PLBD1: variants seen among roughly 807,000 people sequenced by gnomAD.
PLBD1 encodes the protein phospholipase B domain containing 1.
Under a neutral mutation model 63.0 loss-of-function variants are expected in PLBD1, and 60 were observed. That is an observed-to-expected ratio of 0.95 (90% CI 0.77 to 1.18). The LOEUF (loss-of-function observed/expected upper bound fraction) is 1.18. Ranked by LOEUF, PLBD1 falls within the 50% of genes most tolerant of loss-of-function variation. The pLI, the probability that PLBD1 is intolerant of heterozygous loss-of-function variation, is 0.00. For synonymous variants in PLBD1, 262 were observed against 248.0 expected (o/e 1.06, Z -0.53); for missense variants, 598 against 677.9 (o/e 0.88, Z 1.31).
At chr12:14,509,966 A>G (rs2136904742) in intron 8 of PLBD1, among the ~76,000 whole-genome samples, 1 of 152,350 alleles carries the variant, frequency 6.6e-6, no homozygotes, top group South Asian at 2.1e-4. Flanking sequence ...TGGGAGCCAG[A>G]TGAGTCTCAG....
intron 8 of PLBD1, among the ~76,000 whole-genome samples, chr12:14,507,697 A>C (rs1945266635): frequency 6.6e-6 from 1 of 152,154 alleles, no homozygotes; most frequent in Non-Finnish European, 1.5e-5. Context: ...GGAGAAGTCC[A>C]TAATGTAAGG....
intron 1 of PLBD1, among the ~76,000 whole-genome samples, chr12:14,558,419 C>A (rs1945723394): frequency 1.3e-5 from 2 of 152,142 alleles, no homozygotes; most frequent in African/African-American, 4.8e-5. Flanking sequence ...CCCTTCTCCA[C>A]CCAAAGGCAA....
At chr12:14,561,522 A>G (rs1366928467) in intron 1 of PLBD1, among the ~76,000 whole-genome samples, 2 of 152,122 alleles carry the variant, frequency 1.3e-5, no homozygotes, top group Non-Finnish European at 2.9e-5. Context: ...GCCTAGCACA[A>G]TGCTTTATGG....
At chr12:14,559,879 G>C (rs1435240554) in intron 1 of PLBD1, among the ~76,000 whole-genome samples, 1 of 145,782 alleles carries the variant, frequency 6.9e-6, no homozygotes, top group Non-Finnish European at 1.5e-5. Flanking sequence ...TTTTTTTTGA[G>C]ACAGAGTTTT....
intron 2 of PLBD1, among the ~76,000 whole-genome samples, chr12:14,546,863 T>C (rs1317874877): frequency 6.6e-6 from 1 of 152,152 alleles, no homozygotes; most frequent in African/African-American, 2.4e-5. Flanking sequence ...TTAAAATTTT[T>C]CTTCTGGTTT....
intron 6 of PLBD1, among the ~76,000 whole-genome samples, chr12:14,512,038 T>C (rs1945302241): frequency 6.9e-6 from 1 of 145,554 alleles, no homozygotes. Context: ...GCTAGGATTT[T>C]GCAGGAGAAT....
At position 14,540,106 on chromosome 12, in the gene PLBD1, T is replaced by TTTTTATATA. The variant is rs71448876; in HGVS notation, c.558+657_558+658insTATATAAAA. Among the ~76,000 whole-genome samples the TTTTTATATA allele has an allele frequency of 9.4e-5, 6 of 64,036 alleles. No homozygotes were observed. In the East Asian group the frequency reaches 4.5e-3, roughly 48 times the overall value. 42.0% of individuals were successfully genotyped at this position (64,036 alleles called of 152,430 possible). On this transcript the variant is annotated intron_variant, in intron 4 of 10. Transcript: ENST00000240617. Reference sequence around the variant, plus strand: ...AAAAGAGAGTTATATAATATAAATATTATTTATATATATATATATATATAT... The same window carrying TTTTTATATA: ...AAAAGAGAGTTATATAATATAAATATTTTTATATATATTTATATATATATATATATATAT...
intron 1 of PLBD1, among the ~76,000 whole-genome samples, chr12:14,564,966 T>C (rs921052690): frequency 6.6e-6 from 1 of 152,198 alleles, no homozygotes; most frequent in Non-Finnish European, 1.5e-5. Flanking sequence ...ACCACCTGAC[T>C]TCTCTATACA....
intron 6 of PLBD1, among the ~76,000 whole-genome samples, chr12:14,535,155 A>G (rs1355891686): frequency 1.3e-5 from 2 of 152,190 alleles, no homozygotes; most frequent in East Asian, 3.8e-4. Flanking sequence ...TACACTTTAT[A>G]TTGTCCTCTT....
chr12:14,549,905 T>C (rs1220246655), intron 2 of PLBD1, among the ~76,000 whole-genome samples: 2 of 152,160 alleles, frequency 1.3e-5, no homozygotes, highest in African/African-American at 4.8e-5. Context: ...CGACCTCAGG[T>C]GATCCTCCCA....
chr12:14,562,822 T>A (rs562102473), intron 1 of PLBD1, among the ~76,000 whole-genome samples: 18 of 152,340 alleles, frequency 1.2e-4, no homozygotes, highest in African/African-American at 1.7e-4. Context: ...TTTATTTTGC[T>A]GTCTCCATAG....
At chr12:14,537,255 G>A (rs1945527105) in intron 4 of PLBD1, among the ~76,000 whole-genome samples, 1 of 152,144 alleles carries the variant, frequency 6.6e-6, no homozygotes, top group Non-Finnish European at 1.5e-5. Flanking sequence ...GCTCCTTGGA[G>A]AGTAAAACAG....
rs1224921908 is a variant in PLBD1 at position 14,538,104 on chromosome 12, T to G, written c.559-1394A>C. The stretch of plus-strand genomic sequence containing the variant: ...TGCTGTTGTTCACCTTGATTTTTTT[T>G]GTCTTAGTATCTTTCATTTAATGTT... On this transcript the variant is annotated intron_variant, in intron 4 of 10. Transcript: ENST00000240617. Among the ~76,000 whole-genome samples the G allele has an allele frequency of 3.9e-5, 6 of 152,220 alleles. No individual in the cohort carries two copies. The East Asian group carries it at 1.2e-3, about 29-fold the overall frequency.
At chr12:14,535,175 G>A (rs1487367316) in intron 6 of PLBD1, among the ~76,000 whole-genome samples, 1 of 152,140 alleles carries the variant, frequency 6.6e-6, no homozygotes, top group Non-Finnish European at 1.5e-5. Context: ...TGAGTATAGT[G>A]TAAGGTTTAT....
rs1199694441 is a variant in PLBD1, at chr12:14,525,712, C to T, written c.844+9947G>A. On this transcript the variant is annotated intron_variant, in intron 6 of 10. Coordinates refer to ENST00000240617, the MANE Select transcript of PLBD1 (RefSeq NM_024829.6). ...ACACACACACACACACACACACACA[C>T]ACGCACACACACACTTGTTTTAATT... Among the ~76,000 whole-genome samples the T allele has an allele frequency of 1.4e-4, 4 of 28,532 alleles. No individual in the cohort carries two copies. The East Asian group carries it at 5.8e-3, about 41-fold the overall frequency. The allele number at this position is 28,532 out of a possible 152,430, so 18.7% of individuals were successfully genotyped here.
At position 14,503,873 on chromosome 12, in the gene PLBD1, G is replaced by A. The variant is rs145327462; in HGVS notation, c.1561C>T (p.Arg521Cys). The A allele has an allele frequency of 1.1e-4, 173 of 1,613,896 alleles. No homozygotes were observed. Among genetic ancestry groups the A allele is most frequent in the South Asian group, 2.4e-4 (22 of 91,080 alleles). The change falls in exon 11 of 11, where the codon CGC becomes TGC. Residue 521 changes from arginine (R) to cysteine (C), a missense_variant. By Grantham distance (180) the Arg-to-Cys change is radical (BLOSUM62 -3). Coordinates refer to ENST00000240617, the MANE Select transcript of PLBD1 (RefSeq NM_024829.6). ...PTVQGGLPVF[R>C]WDRFNKTLHQ... Reference sequence around the variant, plus strand: ...AGAGTTTTGTTGAAACGGTCCCAGCGAAAAACAGGGAGGCCACCTTGTACT... The same window carrying A: ...AGAGTTTTGTTGAAACGGTCCCAGCAAAAAACAGGGAGGCCACCTTGTACT...
intron 6 of PLBD1, among the ~76,000 whole-genome samples, chr12:14,514,784 G>A (rs1283439529): frequency 6.6e-6 from 1 of 151,026 alleles, no homozygotes; most frequent in South Asian, 2.1e-4. Flanking sequence ...TGTTGCCCAG[G>A]CTGGTGTCGA....
chr12:14,511,240 T>G lies in PLBD1; in HGVS notation c.1186+20A>C. The stretch of plus-strand genomic sequence containing the variant: ...ACACATACTCATCAGGTTTTAAGAC[T>G]TACGACATGAAGAAAGTACCTTTCC... On this transcript the variant is annotated intron_variant, in intron 8 of 10. Transcript: ENST00000240617. The G allele has an allele frequency of 6.7e-7, 1 of 1,484,188 alleles. No individual in the cohort carries two copies. The highest frequency in any genetic ancestry group is 1.2e-5 in the South Asian group (1 of 81,278). 91.9% of individuals were successfully genotyped at this position (1,484,188 alleles called of 1,614,324 possible). A position where few individuals can be genotyped will look rare whatever the true frequency, so the allele number is the denominator to read the frequency against.
rs1240357456 is a variant in PLBD1, at chr12:14,567,674, C to T, written c.23G>A (p.Gly8Glu). Residue 8 changes from glycine to glutamate, a missense_variant, in exon 1 of 11, where the codon GGG (glycine) becomes GAG (glutamate). Physicochemically the swap from Gly to Glu is moderately conservative, Grantham distance 98 (BLOSUM62 -2). Coordinates refer to ENST00000240617, the MANE Select transcript of PLBD1 (RefSeq NM_024829.6). MTRGGPGGRPGLPQPPPL... is the reference protein window; with the variant it reads MTRGGPGERPGLPQPPPL... ...TGGCGGCTGTGGCAGCCCCGGGCGC[C>T]CGCCCGGACCGCCGCGGGTCATCGC... is the stretch of plus-strand genomic sequence containing the variant. 5.4e-6 allele frequency: 8 copies of T among 1,470,744 alleles called. No individual in the cohort carries two copies. The highest frequency in any genetic ancestry group is 1.5e-5 in the African/African-American group (1 of 67,820). 91.1% of individuals were successfully genotyped at this position (1,470,744 alleles called of 1,614,324 possible).
Sources: gnomAD v4.1 joint callset for allele counts (sites outside exome capture counted in the v4.1 genomes callset) on GRCh38, gnomAD v4.1.1 for gene constraint, MANE v1.5 for transcripts, NCBI Gene and HGNC (gene_info 2026-07-23, HGNC 2026-07-21) for gene names.